The following LIN7A variants were observed in gnomAD, a reference collection of about 807,000 sequenced individuals.
LIN7A encodes protein lin-7 homolog A.
In LIN7A, 25 loss-of-function variants were observed where a neutral mutation model predicts 29.8. The observed-to-expected ratio is 0.84, with a 90% CI of 0.61 to 1.17. The LOEUF is 1.17. Among genes scored for constraint, LIN7A ranks in the 50% most tolerant of loss-of-function variants. LIN7A has a pLI of 0.00. For synonymous variants in LIN7A, 118 were observed against 107.5 expected (o/e 1.10, Z -0.60); for missense variants, 239 against 287.0 (o/e 0.83, Z 1.21).
intron 1 of LIN7A, among the ~76,000 whole-genome samples, chr12:80,908,502 T>G (rs554423133): frequency 1.1e-4 from 16 of 152,154 alleles, no homozygotes; most frequent in Non-Finnish European, 2.2e-4. Context: ...ATATGAGAAT[T>G]TATTATCAAG....
At chr12:80,882,854 T>A (rs1369650660) in intron 2 of LIN7A, among the ~76,000 whole-genome samples, 2 of 152,200 alleles carry the variant, frequency 1.3e-5, no homozygotes, top group Admixed American at 6.5e-5. Flanking sequence ...GTTATTATTG[T>A]CTTATTTTAT....
chr12:80,925,208 C>A (rs1422556007), intron 1 of LIN7A, among the ~76,000 whole-genome samples: 1 of 152,144 alleles, frequency 6.6e-6, no homozygotes, highest in Non-Finnish European at 1.5e-5. Flanking sequence ...AAGAAAATTT[C>A]AACCTCATGT....
At chr12:80,869,755 T>A (rs1874333152) in intron 2 of LIN7A, among the ~76,000 whole-genome samples, 2 of 152,124 alleles carry the variant, frequency 1.3e-5, no homozygotes, top group Non-Finnish European at 2.9e-5. Flanking sequence ...ATGGTTTTTT[T>A]TTTTTTCTTT....
At chr12:80,835,270 G>A (rs1565895264) in intron 4 of LIN7A, among the ~76,000 whole-genome samples, 1 of 152,146 alleles carries the variant, frequency 6.6e-6, no homozygotes, top group Non-Finnish European at 1.5e-5. Context: ...CAACAATGCT[G>A]TGTAATTGTG....
intron 4 of LIN7A, among the ~76,000 whole-genome samples, chr12:80,834,347 A>C (rs1157558168): frequency 6.6e-6 from 1 of 152,190 alleles, no homozygotes; most frequent in South Asian, 2.1e-4. Context: ...AAGATATGCT[A>C]TATATTTACA....
At chr12:80,841,019 G>C (rs1872781602) in intron 4 of LIN7A, among the ~76,000 whole-genome samples, 1 of 152,108 alleles carries the variant, frequency 6.6e-6, no homozygotes, top group Non-Finnish European at 1.5e-5. Context: ...CACTGGTCTT[G>C]GTTCTGCCAT....
At chr12:80,841,342 G>GGGAAGGAA (rs201176926) in intron 4 of LIN7A, among the ~76,000 whole-genome samples, 121 of 126,064 alleles carry the variant, frequency 9.6e-4, no homozygotes, top group Middle Eastern at 4.2e-3. Context: ...GAAAGAGGGA[G>GGGAAGGAA]GGAAGGAAGG....
intron 2 of LIN7A, among the ~76,000 whole-genome samples, chr12:80,864,198 G>A (rs1874021931): frequency 1.3e-5 from 2 of 152,162 alleles, no homozygotes; most frequent in South Asian, 4.1e-4. Context: ...CCAGACATAA[G>A]GCTTAAGATG....
intron 5 of LIN7A, among the ~76,000 whole-genome samples, chr12:80,809,204 C>T (rs1342990280): frequency 6.6e-6 from 1 of 151,452 alleles, no homozygotes; most frequent in Non-Finnish European, 1.5e-5. Context: ...CTGACCTCGT[C>T]ATCCACCCAC....
intron 5 of LIN7A, among the ~76,000 whole-genome samples, chr12:80,808,828 T>G (rs12813668): frequency 0.31 from 46,381 of 151,808 alleles, 7,240 homozygotes; most frequent in South Asian, 0.43. Flanking sequence ...TTTTTTAGGA[T>G]AGAATGCAAT....
chr12:80,890,443 G>T (rs1356368379), intron 1 of LIN7A, among the ~76,000 whole-genome samples: 1 of 152,044 alleles, frequency 6.6e-6, no homozygotes, highest in Non-Finnish European at 1.5e-5. Context: ...ATTAATGCTT[G>T]GTGCCAGCTT....
intron 3 of LIN7A, among the ~76,000 whole-genome samples, chr12:80,846,892 T>C (rs2121549028): frequency 6.6e-6 from 1 of 152,338 alleles, no homozygotes; most frequent in Admixed American, 6.5e-5. Context: ...CTTTTATTAA[T>C]TCACCTTGAT....
At chr12:80,841,231 C>T (rs1333910440) in intron 4 of LIN7A, among the ~76,000 whole-genome samples, 1 of 151,638 alleles carries the variant, frequency 6.6e-6, no homozygotes, top group Non-Finnish European at 1.5e-5. Flanking sequence ...GCAGAGGTTG[C>T]AGTGAGCTGA....
At chr12:80,907,736 T>C (rs889224053) in intron 1 of LIN7A, among the ~76,000 whole-genome samples, 3 of 152,090 alleles carry the variant, frequency 2.0e-5, no homozygotes. Flanking sequence ...TACACCAACC[T>C]GGCTTTTTAG....
intron 4 of LIN7A, among the ~76,000 whole-genome samples, chr12:80,822,457 C>T (rs1243923610): frequency 6.6e-6 from 1 of 152,122 alleles, no homozygotes; most frequent in African/African-American, 2.4e-5. Flanking sequence ...ACTCAGGAGG[C>T]TGAGGCAGGA....
In LIN7A at chr12:80,807,063, G is replaced by GTTTTTT. The variant is rs71094991; in HGVS notation, c.*4396_*4401dup. Among the ~76,000 whole-genome samples the GTTTTTT allele has an allele frequency of 3.5e-3, 186 of 53,404 alleles. 21 individuals are homozygous for GTTTTTT. Among genetic ancestry groups the GTTTTTT allele is most frequent in the Non-Finnish European group, 4.5e-3 (129 of 28,798 alleles). 35.0% of individuals were successfully genotyped at this position (53,404 alleles called of 152,430 possible). ...CCATAGGAAATTTAATGAAGATGGA[G>GTTTTTT]TTTTTTTTTTTTTTTTTTTTTTTTT... On this transcript the variant is annotated intron_variant, in intron 5 of 5. Transcript: ENST00000552864.
At chr12:80,801,565 C>G (rs1565881578) in intron 5 of LIN7A, among the ~76,000 whole-genome samples, 1 of 152,028 alleles carries the variant, frequency 6.6e-6, no homozygotes, top group African/African-American at 2.4e-5. Context: ...TTGTGATGTA[C>G]AAATAAATTT....
At chr12:80,934,444 C>A (rs1878094857) in intron 1 of LIN7A, among the ~76,000 whole-genome samples, 1 of 152,184 alleles carries the variant, frequency 6.6e-6, no homozygotes, top group Admixed American at 6.5e-5. Flanking sequence ...AATCTGTAAT[C>A]ACCTTGTTCA....
At chr12:80,878,637 G>A (rs1874851584) in intron 2 of LIN7A, among the ~76,000 whole-genome samples, 2 of 152,174 alleles carry the variant, frequency 1.3e-5, no homozygotes, top group Non-Finnish European at 2.9e-5. Flanking sequence ...GTTGGCGGAC[G>A]TGGCCAGCTT....
Sources: gnomAD v4.1 joint callset for allele counts (sites outside exome capture counted in the v4.1 genomes callset) on GRCh38, gnomAD v4.1.1 for gene constraint, MANE v1.5 for transcripts, NCBI Gene and HGNC (gene_info 2026-07-23, HGNC 2026-07-21) for gene names.